ATF7IP: variants seen among roughly 807,000 people sequenced by gnomAD.
The protein encoded by ATF7IP is activating transcription factor 7-interacting protein 1.
In ATF7IP, 23 loss-of-function variants were observed where a neutral mutation model predicts 106.4. The ratio of observed to expected loss-of-function variants is 0.22; its 90% confidence interval spans 0.16 to 0.31. The LOEUF is 0.31. ATF7IP is among the 10% of genes least tolerant of loss of function. The pLI, the probability that ATF7IP is intolerant of heterozygous loss-of-function variation, is 1.00. For synonymous variants in ATF7IP, 542 were observed against 539.0 expected (o/e 1.01, Z -0.08); for missense variants, 1,334 against 1,524.3 (o/e 0.88, Z 2.08).
intron 1 of ATF7IP, among the ~76,000 whole-genome samples, chr12:14,409,006 AG>A: frequency 6.6e-6 from 1 of 152,216 alleles, no homozygotes; most frequent in South Asian, 2.1e-4. Context: ...TGACCTCAGA[AG>A]CACATCATCA....
At chr12:14,493,554 G>A (rs1205405752) in intron 13 of ATF7IP, among the ~76,000 whole-genome samples, 1 of 152,160 alleles carries the variant, frequency 6.6e-6, no homozygotes, top group Non-Finnish European at 1.5e-5. Flanking sequence ...GGGAGTGGAT[G>A]TTGCCACTAC....
chr12:14,455,508 G>A (rs968159560), intron 6 of ATF7IP, among the ~76,000 whole-genome samples: 1 of 152,166 alleles, frequency 6.6e-6, no homozygotes, highest in African/African-American at 2.4e-5. Flanking sequence ...GTAATTCTAA[G>A]CATTTACTAC....
At chr12:14,388,019 T>C (rs1258528204) in intron 1 of ATF7IP, among the ~76,000 whole-genome samples, 1 of 150,808 alleles carries the variant, frequency 6.6e-6, no homozygotes, top group Non-Finnish European at 1.5e-5. Flanking sequence ...TCTTTCTTTT[T>C]TTTTTTTTTT....
intron 1 of ATF7IP, among the ~76,000 whole-genome samples, chr12:14,367,695 A>G (rs1240546364): frequency 6.6e-6 from 1 of 152,092 alleles, no homozygotes; most frequent in Non-Finnish European, 1.5e-5. Flanking sequence ...TTAATATTGA[A>G]GGTAGTAAGA....
chr12:14,473,265 T>C (rs1306898629), intron 10 of ATF7IP, among the ~76,000 whole-genome samples: 1 of 144,364 alleles, frequency 6.9e-6, no homozygotes, highest in African/African-American at 2.6e-5. Context: ...CTCTGTTAGC[T>C]TTTTAGCGCG....
intron 5 of ATF7IP, among the ~76,000 whole-genome samples, chr12:14,440,809 T>C (rs1942659599): frequency 6.6e-6 from 1 of 152,238 alleles, no homozygotes; most frequent in Admixed American, 6.5e-5. Flanking sequence ...ACCACTAATC[T>C]GCTGTCTCTA....
chr12:14,431,847 G>A lies in ATF7IP; in HGVS notation c.1559-2490G>A, dbSNP rs926506830. ...TTCTTAGTTTTTCTTCAGGCTTTGT[G>A]GACAAAATAAAATTAAAGAAATATA... On this transcript the variant is annotated intron_variant, in intron 2 of 14. Coordinates refer to ENST00000261168, the MANE Select transcript of ATF7IP (RefSeq NM_018179.5). 2.0e-5 allele frequency among the ~76,000 whole-genome samples: 3 copies of A among 151,956 alleles called. No individual in the cohort carries two copies. The East Asian group carries it at 5.8e-4, about 29-fold the overall frequency.
intron 1 of ATF7IP, among the ~76,000 whole-genome samples, chr12:14,376,692 G>T (rs530655792): frequency 3.9e-5 from 6 of 152,274 alleles, no homozygotes; most frequent in South Asian, 2.1e-4. Flanking sequence ...AGTATTCCTG[G>T]TTTTTTGGGA....
intron 12 of ATF7IP, among the ~76,000 whole-genome samples, chr12:14,479,754 A>G (rs1304807465): frequency 6.6e-6 from 1 of 152,140 alleles, no homozygotes; most frequent in Non-Finnish European, 1.5e-5. Flanking sequence ...TGGCATTTCC[A>G]GGCAAAAGAA....
intron 1 of ATF7IP, among the ~76,000 whole-genome samples, chr12:14,412,337 T>G (rs1940966028): frequency 6.6e-6 from 1 of 152,214 alleles, no homozygotes; most frequent in African/African-American, 2.4e-5. Context: ...AGGATTTTGA[T>G]AGAGATTGTT....
At chr12:14,433,594 C>T (rs1272332154) in intron 2 of ATF7IP, among the ~76,000 whole-genome samples, 2 of 151,458 alleles carry the variant, frequency 1.3e-5, no homozygotes, top group Non-Finnish European at 2.9e-5. Context: ...CACTTGAACC[C>T]GGGAGGCGGA....
intron 13 of ATF7IP, among the ~76,000 whole-genome samples, chr12:14,490,090 C>T (rs1003069667): frequency 6.6e-6 from 1 of 152,210 alleles, no homozygotes; most frequent in Non-Finnish European, 1.5e-5. Flanking sequence ...GCCATAGTCA[C>T]GTCAGCCTTG....
chr12:14,439,853 A>G (rs1287842148), intron 5 of ATF7IP, among the ~76,000 whole-genome samples: 1 of 124,380 alleles, frequency 8.0e-6, no homozygotes, highest in Non-Finnish European at 1.8e-5. Context: ...CCATCCATCC[A>G]TCCATCCATC....
chr12:14,418,552 T>TA (rs1322424304), intron 1 of ATF7IP, among the ~76,000 whole-genome samples: 6 of 152,160 alleles, frequency 3.9e-5, no homozygotes, highest in African/African-American at 1.4e-4. Flanking sequence ...GCACTGGTAT[T>TA]ACAGCCATGG....
At chr12:14,419,722 C>G (rs916878151) in intron 1 of ATF7IP, among the ~76,000 whole-genome samples, 4 of 151,652 alleles carry the variant, frequency 2.6e-5, no homozygotes, top group Non-Finnish European at 5.9e-5. Context: ...AATTAAAAAC[C>G]CTTAACATAA....
intron 1 of ATF7IP, among the ~76,000 whole-genome samples, chr12:14,385,578 G>A (rs1939192031): frequency 6.6e-6 from 1 of 152,108 alleles, no homozygotes; most frequent in African/African-American, 2.4e-5. Flanking sequence ...TGGGGTCAAA[G>A]GTTAAATTCC....
intron 10 of ATF7IP, 106 bp from the exon 11 acceptor site, chr12:14,475,784 A>AGTATCCTGGG: frequency 1.3e-6 from 1 of 779,870 alleles, no homozygotes; most frequent in East Asian, 2.8e-5. Flanking sequence ...GTCCAGATTG[A>AGTATCCTGGG]ACCAGGTTAC....
chr12:14,472,247 T>C (rs1373534209), intron 10 of ATF7IP, among the ~76,000 whole-genome samples: 2 of 152,176 alleles, frequency 1.3e-5, no homozygotes, highest in Non-Finnish European at 2.9e-5. Context: ...TAAATGCTAA[T>C]AGTAAATGAT....
At position 14,424,134 on chromosome 12, in the gene ATF7IP, C is replaced by T; in HGVS notation, c.219C>T (p.Gly73=). The part of the protein sequence containing the change: ...DYIKDKEEVN[G]IEEICFDPEG... The stretch of plus-strand genomic sequence containing the variant: ...TTAAAGACAAGGAAGAGGTGAATGG[C>T]ATTGAAGAGATTTGTTTTGATCCTG... The change falls in exon 2 of 15, where the codon GGC becomes GGT. Residue 73 remains glycine, a synonymous_variant. Transcript: ENST00000261168. 6.2e-7 allele frequency: 1 copy of T among 1,614,156 alleles called. No homozygotes were observed. Among genetic ancestry groups the T allele is most frequent in the East Asian group, 2.2e-5 (1 of 44,884 alleles).
Sources: gnomAD v4.1 joint callset for allele counts (sites outside exome capture counted in the v4.1 genomes callset) on GRCh38, gnomAD v4.1.1 for gene constraint, MANE v1.5 for transcripts, NCBI Gene and HGNC (gene_info 2026-07-23, HGNC 2026-07-21) for gene names.